Variants in SEPTIN9 observed in about 807,000 individuals in gnomAD.
SEPTIN9 encodes septin 9, also known as septin-9.
SEPTIN9 carries 13 observed loss-of-function variants against 56.6 expected under a neutral mutation model. That is an observed-to-expected ratio of 0.23 (90% CI 0.15 to 0.37). The LOEUF (loss-of-function observed/expected upper bound fraction) is 0.37. Among genes scored for constraint, SEPTIN9 ranks in the 10% least tolerant of loss-of-function variants. The pLI, the probability that SEPTIN9 is intolerant of heterozygous loss-of-function variation, is 1.00. For synonymous variants in SEPTIN9, 332 were observed against 334.1 expected (o/e 0.99, Z 0.07); for missense variants, 650 against 823.1 (o/e 0.79, Z 2.57).
intron 2 of SEPTIN9, chr17:77,373,212 CG>C: frequency 9.1e-7 from 1 of 1,094,476 alleles, no homozygotes; most frequent in Non-Finnish European, 1.1e-6. Context: ...CCTTGACAGG[CG>C]GGCGGAGCAG....
At chr17:77,497,555 CA>C (rs1381158064) in intron 11 of SEPTIN9, 189 bp downstream of exon 11, 5 of 640,800 alleles carry the variant, frequency 7.8e-6, no homozygotes, top group African/African-American at 3.6e-5. Flanking sequence ...GGAAATGAAG[CA>C]GGCAGTGAAG....
At position 77,435,299 on chromosome 17, in the gene SEPTIN9, A is replaced by G. The variant is rs1210593572; in HGVS notation, c.721+32596A>G. Among the ~76,000 whole-genome samples the G allele has an allele frequency of 6.6e-6, 1 of 152,090 alleles. No homozygotes were observed. The highest frequency in any genetic ancestry group is 1.5e-5 in the Non-Finnish European group (1 of 68,002). ...GATTGCAAAACCTGAGGCCCAGAGG[A>G]GTGCAGTGACTTGGCCAGCTTCGCA... On this transcript the variant is annotated intron_variant, in intron 3 of 11. Transcript: ENST00000427177. The surrounding 1 kb of genome is among the most constrained non-coding windows in gnomAD (Gnocchi z 4.5).
At chr17:77,432,265 C>T (rs896562511) in intron 3 of SEPTIN9, among the ~76,000 whole-genome samples, 1 of 152,214 alleles carries the variant, frequency 6.6e-6, no homozygotes, top group African/African-American at 2.4e-5. Context: ...CAAAGGTGTT[C>T]ATAGAGCAAA....
chr17:77,351,854 C>T (rs1025834851), intron 2 of SEPTIN9, among the ~76,000 whole-genome samples: 9 of 152,226 alleles, frequency 5.9e-5, no homozygotes, highest in Non-Finnish European at 1.3e-4. Flanking sequence ...GAGAGAGGAG[C>T]CCCAGGACCA....
At chr17:77,348,290 T>G (rs2033947064) in intron 2 of SEPTIN9, among the ~76,000 whole-genome samples, 1 of 135,498 alleles carries the variant, frequency 7.4e-6, no homozygotes, top group Admixed American at 8.7e-5. Context: ...CTATTTTAAT[T>G]TATGTTTTTT....
chr17:77,320,882 C>T (rs900459195), intron 2 of SEPTIN9, among the ~76,000 whole-genome samples: 2 of 152,174 alleles, frequency 1.3e-5, no homozygotes, highest in African/African-American at 2.4e-5. Context: ...TGTGTGTGCA[C>T]GTGTGTGTGC....
At chr17:77,315,861 G>A (rs562273306) in intron 2 of SEPTIN9, among the ~76,000 whole-genome samples, 15 of 152,310 alleles carry the variant, frequency 9.8e-5, no homozygotes, top group East Asian at 3.9e-4. Context: ...CAGGGATGCC[G>A]CCCTGAGAAC....
chr17:77,292,791 G>A lies in SEPTIN9; in HGVS notation c.19+11237G>A, dbSNP rs369728099. 2.6e-5 allele frequency among the ~76,000 whole-genome samples: 4 copies of A among 152,020 alleles called. No individual in the cohort carries two copies. The South Asian group carries it at 8.3e-4, about 32-fold the overall frequency. On this transcript the variant is annotated intron_variant, in intron 1 of 11. Transcript: ENST00000427177. ...TTACGGGCATGAGCCACCAGGCCCG[G>A]CCGTTGAGATTACCTTCATAAGCCA...
chr17:77,364,399 T>C (rs2034511214), intron 2 of SEPTIN9, among the ~76,000 whole-genome samples: 1 of 152,242 alleles, frequency 6.6e-6, no homozygotes, highest in Non-Finnish European at 1.5e-5. Context: ...TTCTGTCGAT[T>C]CATGGCAGTC....
intron 7 of SEPTIN9, 108 bp from the exon 8 acceptor site, chr17:77,490,634 C>T (rs2039985203): frequency 5.8e-6 from 5 of 862,252 alleles, no homozygotes; most frequent in Non-Finnish European, 3.8e-6. Context: ...CAGGGACCCC[C>T]GTGAGCCCCG....
At chr17:77,461,838 C>T (rs901878045) in intron 3 of SEPTIN9, among the ~76,000 whole-genome samples, 9 of 152,206 alleles carry the variant, frequency 5.9e-5, no homozygotes, top group South Asian at 2.1e-4. Context: ...GCCCATGTTG[C>T]GGCTCTGGTG....
At chr17:77,378,196 C>A (rs1234174198) in intron 2 of SEPTIN9, among the ~76,000 whole-genome samples, 1 of 152,162 alleles carries the variant, frequency 6.6e-6, no homozygotes, top group African/African-American at 2.4e-5. Context: ...GAAATGCTTT[C>A]TGTGGGCTGT....
chr17:77,345,761 C>G (rs1212633968), intron 2 of SEPTIN9, among the ~76,000 whole-genome samples: 5 of 152,132 alleles, frequency 3.3e-5, no homozygotes, highest in Non-Finnish European at 7.4e-5. Context: ...GGCAGCTCCC[C>G]ACAGTGTTGT....
At chr17:77,490,963 C>A in intron 8 of SEPTIN9, 104 bp downstream of exon 8, 1 of 913,498 alleles carries the variant, frequency 1.1e-6, no homozygotes, top group Non-Finnish European at 1.7e-6. Context: ...GTCAGGGAGA[C>A]CGAACCGCTG....
chr17:77,492,592 G>A lies in SEPTIN9; in HGVS notation c.1381-29G>A, dbSNP rs41282091. On this transcript the variant is annotated intron_variant, in intron 8 of 11. Coordinates refer to ENST00000427177, the MANE Select transcript of SEPTIN9 (RefSeq NM_001113491.2). The surrounding 1 kb of genome is among the most constrained non-coding windows in gnomAD (Gnocchi z 5.4). ...GGTGGGTAGAGCTTGCCACAGGGAT[G>A]GGCCCATCTCTCTCCCTCCTTATCC... 13,022 of 1,598,516 alleles carry A rather than the reference G, an allele frequency of 8.1e-3. 148 individuals carry two copies. Among genetic ancestry groups the A allele is most frequent in the South Asian group, 0.037 (3,401 of 90,804 alleles).
At position 77,425,504 on chromosome 17, in the gene SEPTIN9, G is replaced by T. The variant is rs151154517; in HGVS notation, c.721+22801G>T. Among the ~76,000 whole-genome samples the T allele has an allele frequency of 1.1e-4, 16 of 152,296 alleles. No individual in the cohort carries two copies. The East Asian group carries it at 1.2e-3, about 11-fold the overall frequency. Reference sequence around the variant, plus strand: ...CTCTGGTCATGGGGACGCTGCCTGGGGGGGGTTCCCTTACATGGAAGGAGC... The same window carrying T: ...CTCTGGTCATGGGGACGCTGCCTGGTGGGGGTTCCCTTACATGGAAGGAGC... On this transcript the variant is annotated intron_variant, in intron 3 of 11. Transcript: ENST00000427177. The surrounding 1 kb of genome is among the most constrained non-coding windows in gnomAD (Gnocchi z 4.2).
At chr17:77,386,304 T>C (rs1441410252) in intron 2 of SEPTIN9, among the ~76,000 whole-genome samples, 1 of 152,170 alleles carries the variant, frequency 6.6e-6, no homozygotes, top group Non-Finnish European at 1.5e-5. Flanking sequence ...AGGCAGTTTC[T>C]GGGCAGTGGA....
At chr17:77,408,649 G>A (rs562780837) in intron 3 of SEPTIN9, among the ~76,000 whole-genome samples, 1 of 151,676 alleles carries the variant, frequency 6.6e-6, no homozygotes, top group Admixed American at 6.6e-5. Context: ...TGGGGAAAGT[G>A]GGGTCAGAGC....
chr17:77,451,244 G>T lies in SEPTIN9; in HGVS notation c.722-30900G>T, dbSNP rs912376464. The T allele has an allele frequency of 2.8e-6, 1 of 355,460 alleles. No homozygotes were observed. The highest frequency in any genetic ancestry group is 2.2e-5 in the African/African-American group (1 of 45,166). 22.0% of individuals were successfully genotyped at this position (355,460 alleles called of 1,614,324 possible). On this transcript the variant is annotated intron_variant, in intron 3 of 11. Transcript: ENST00000427177. This position sits in a 1 kb window ranked among gnomAD's most constrained non-coding sequence, Gnocchi z 4.2. ...GTGGCAGCTCCTTGGCGTCCCTCCC[G>T]TGCCTTCAGGTTGCTTCTGCGCCGG...
Sources: gnomAD v4.1 joint callset for allele counts (sites outside exome capture counted in the v4.1 genomes callset) on GRCh38, gnomAD v4.1.1 for gene constraint, Gnocchi (gnomAD v3.1) non-coding constraint, MANE v1.5 for transcripts, NCBI Gene and HGNC (gene_info 2026-07-23, HGNC 2026-07-21) for gene names.